Variants in CFAP210 observed in about 807,000 individuals in gnomAD.
The protein encoded by CFAP210 is cilia and flagella associated protein 210.
the CFAP210 span, among the ~76,000 whole-genome samples, chr2:169,688,535 TA>T: frequency 6.6e-6 from 1 of 152,214 alleles, no homozygotes; most frequent in Admixed American, 6.5e-5. Flanking sequence ...CTTTGCTGCT[TA>T]GAAATTTCTT....
the CFAP210 span, among the ~76,000 whole-genome samples, chr2:169,647,248 T>G: frequency 2.6e-5 from 4 of 152,042 alleles, no homozygotes; most frequent in Non-Finnish European, 5.9e-5. Context: ...ATTTGGGAAC[T>G]TAATAAGCAG....
chr2:169,674,636 T>C, the CFAP210 span: 1 of 1,610,222 alleles, frequency 6.2e-7, no homozygotes, highest in South Asian at 1.1e-5. Flanking sequence ...TGCTTTTTCT[T>C]GTTCTTCTTT....
the CFAP210 span, among the ~76,000 whole-genome samples, chr2:169,660,719 A>T: frequency 6.6e-6 from 1 of 151,640 alleles, no homozygotes; most frequent in Admixed American, 6.6e-5. Context: ...CTCCAGCCTC[A>T]GCCTCCTGAG....
At chr2:169,663,492 T>C in the CFAP210 span, among the ~76,000 whole-genome samples, 1 of 152,120 alleles carries the variant, frequency 6.6e-6, no homozygotes, top group East Asian at 1.9e-4. Flanking sequence ...TGAGCCAATG[T>C]ACCCAGCCAA....
chr2:169,648,515 A>G, the CFAP210 span, among the ~76,000 whole-genome samples: 1 of 152,206 alleles, frequency 6.6e-6, no homozygotes, highest in Non-Finnish European at 1.5e-5. Context: ...AAACAACCCA[A>G]TTAAAAATTG....
chr2:169,671,242 G>C, the CFAP210 span, among the ~76,000 whole-genome samples: 1 of 151,992 alleles, frequency 6.6e-6, no homozygotes, highest in Non-Finnish European at 1.5e-5. Flanking sequence ...ATCCCACTCT[G>C]GGCCTTCACT....
chr2:169,666,420 A>C, the CFAP210 span, among the ~76,000 whole-genome samples: 1 of 151,734 alleles, frequency 6.6e-6, no homozygotes. Context: ...TAGTGCAATA[A>C]AATGAATATC....
the CFAP210 span, among the ~76,000 whole-genome samples, chr2:169,687,999 G>A: frequency 7.2e-5 from 11 of 152,182 alleles, no homozygotes; most frequent in African/African-American, 2.4e-4. Context: ...GCCAAGGCTT[G>A]GGGCTTCCAC....
chr2:169,679,673 T>G, the CFAP210 span, among the ~76,000 whole-genome samples: 2 of 88,846 alleles, frequency 2.3e-5, no homozygotes, highest in South Asian at 9.5e-4. Context: ...AGAACGAGAC[T>G]CCATCTCAAA....
the CFAP210 span, among the ~76,000 whole-genome samples, chr2:169,675,537 C>T: frequency 6.6e-6 from 1 of 152,130 alleles, no homozygotes; most frequent in African/African-American, 2.4e-5. Flanking sequence ...CCACATCTCA[C>T]GAGAACACAG....
At chr2:169,647,453 A>T in the CFAP210 span, among the ~76,000 whole-genome samples, 1 of 152,204 alleles carries the variant, frequency 6.6e-6, no homozygotes, top group Non-Finnish European at 1.5e-5. Context: ...AAATCCTAAA[A>T]AACGCTAACA....
At chr2:169,649,324 T>C in the CFAP210 span, 1 of 1,611,026 alleles carries the variant, frequency 6.2e-7, no homozygotes, top group Non-Finnish European at 8.5e-7. Context: ...TCTTTGTCTT[T>C]CTTCTTCCTC....
At chr2:169,679,739 T>C in the CFAP210 span, among the ~76,000 whole-genome samples, 11 of 148,668 alleles carry the variant, frequency 7.4e-5, no homozygotes, top group African/African-American at 2.7e-4. Flanking sequence ...TTTGTGTCCA[T>C]GTGTACTCAG....
the CFAP210 span, among the ~76,000 whole-genome samples, chr2:169,676,920 G>C: frequency 3.9e-5 from 6 of 152,154 alleles, no homozygotes; most frequent in Non-Finnish European, 8.8e-5. Context: ...AAGTAGGGTG[G>C]AGGGAGGGAT....
chr2:169,655,799 A>T, the CFAP210 span, among the ~76,000 whole-genome samples: 1 of 152,214 alleles, frequency 6.6e-6, no homozygotes, highest in Non-Finnish European at 1.5e-5. Flanking sequence ...CAATAACAAC[A>T]TTTCAAGTAA....
At chr2:169,693,297 A>G in the CFAP210 span, among the ~76,000 whole-genome samples, 1 of 152,260 alleles carries the variant, frequency 6.6e-6, no homozygotes, top group Non-Finnish European at 1.5e-5. Flanking sequence ...AACAACTATT[A>G]GGTAAATCTA....
chr2:169,688,059 TG>T, the CFAP210 span, among the ~76,000 whole-genome samples: 1 of 152,206 alleles, frequency 6.6e-6, no homozygotes, highest in Non-Finnish European at 1.5e-5. Context: ...CAGCCATGGC[TG>T]GAGCAGCTGG....
At chr2:169,658,273 T>C in the CFAP210 span, 2 of 152,418 alleles carry the variant, frequency 1.3e-5, no homozygotes, top group Non-Finnish European at 2.9e-5. Flanking sequence ...TGGCTACCAT[T>C]TGTACAACAT....
chr2:169,646,296 C>T, the CFAP210 span: 26 of 759,638 alleles, frequency 3.4e-5, no homozygotes, highest in African/African-American at 3.8e-4. Flanking sequence ...TGATACTTTA[C>T]AAGTTCTGAT....
Sources: gnomAD v4.1 joint callset for allele counts (sites outside exome capture counted in the v4.1 genomes callset) on GRCh38, gnomAD v4.1.1 for gene constraint, MANE v1.5 for transcripts, NCBI Gene and HGNC (gene_info 2026-07-23, HGNC 2026-07-21) for gene names.